Variants in LGALS1 observed in about 807,000 individuals in gnomAD.
LGALS1 encodes galectin 1.
LGALS1 carries 14 observed loss-of-function variants against 14.4 expected under a neutral mutation model. The ratio of observed to expected loss-of-function variants is 0.97; its 90% CI spans 0.64 to 1.52. The LOEUF (loss-of-function observed/expected upper bound fraction) is 1.52, where lower values mean the gene tolerates loss of function less well. LGALS1 is among the 40% of genes most tolerant of loss of function. The probability of loss-of-function intolerance (pLI) is 0.00; values close to 1 mark genes in which losing one functional copy is unlikely to be tolerated. For synonymous variants in LGALS1, 71 were observed against 73.4 expected (o/e 0.97, Z 0.17); for missense variants, 170 against 181.4 (o/e 0.94, Z 0.36).
At chr22:37,676,945 C>T in intron 1 of LGALS1, 41 bp from the exon 2 acceptor site, 5 of 1,611,688 alleles carry the variant, frequency 3.1e-6, no homozygotes, top group Non-Finnish European at 4.2e-6. Flanking sequence ...CAGTGGAGGC[C>T]TTGTCCTCTA....
rs1921398899 is a variant in LGALS1, at chr22:37,675,698, C to G, written c.-5C>G. On this transcript the variant is annotated 5_prime_UTR_variant, in exon 1 of 4. Transcript: ENST00000215909. Reference sequence around the variant, plus strand: ...CTGCCCGGGAACATCCTCCTGGACTCAATCATGGCTTGTGTGAGTGTGGGG... The same window carrying G: ...CTGCCCGGGAACATCCTCCTGGACTGAATCATGGCTTGTGTGAGTGTGGGG... The G allele has an allele frequency of 1.3e-6, 2 of 1,547,584 alleles. No homozygotes were observed. The highest frequency in any genetic ancestry group is 1.7e-6 in the Non-Finnish European group (2 of 1,145,986).
chr22:37,678,166 C>T (rs1349423713), intron 2 of LGALS1, among the ~76,000 whole-genome samples: 2 of 152,058 alleles, frequency 1.3e-5, no homozygotes, highest in African/African-American at 4.8e-5. Flanking sequence ...TGCTGGGCAC[C>T]GGGAATACAG....
chr22:37,679,441 A>G (rs1185419315), intron 3 of LGALS1, among the ~76,000 whole-genome samples, 162 bp from the exon 4 acceptor site: 3 of 152,120 alleles, frequency 2.0e-5, no homozygotes, highest in Non-Finnish European at 2.9e-5. Context: ...AAAAAAAAAA[A>G]AAATCTATCA....
At chr22:37,676,849 T>TC (rs1191457998) in intron 1 of LGALS1, 137 bp from the exon 2 acceptor site, 2 of 823,750 alleles carry the variant, frequency 2.4e-6, no homozygotes, top group Non-Finnish European at 4.1e-6. Flanking sequence ...CTCAATCCTT[T>TC]CCCCAGGCTT....
intron 1 of LGALS1, among the ~76,000 whole-genome samples, 183 bp downstream of exon 1, chr22:37,675,894 G>A (rs1297225278): frequency 1.3e-5 from 2 of 152,182 alleles, no homozygotes; most frequent in African/African-American, 4.8e-5. Flanking sequence ...GGTCCCTCAA[G>A]GCCTTCTCTG....
chr22:37,675,915 T>G (rs1372026480), intron 1 of LGALS1, among the ~76,000 whole-genome samples: 1 of 152,214 alleles, frequency 6.6e-6, no homozygotes, highest in Non-Finnish European at 1.5e-5. Context: ...CATTGATAAT[T>G]GTCTGGATTC....
intron 3 of LGALS1, 48 bp from the exon 4 acceptor site, chr22:37,679,553 GAA>G (rs1182937993): frequency 1.3e-6 from 2 of 1,488,534 alleles, no homozygotes; most frequent in African/African-American, 1.4e-5. Flanking sequence ...ACGGGTTCTG[GAA>G]GGGCCCATGG....
At chr22:37,675,824 C>A (rs939197197) in intron 1 of LGALS1, 113 bp downstream of exon 1, 23 of 977,020 alleles carry the variant, frequency 2.4e-5, no homozygotes, top group Non-Finnish European at 2.7e-5. Context: ...GGCCTGGAAC[C>A]AGTGCCTTCT....
chr22:37,676,872 G>A, intron 1 of LGALS1, 114 bp from the exon 2 acceptor site: 1 of 1,002,038 alleles, frequency 1.0e-6, no homozygotes, highest in Non-Finnish European at 1.6e-6. Context: ...CCTTGGCTTG[G>A]TCAGAGGATG....
At chr22:37,679,489 T>G (rs1921559740) in intron 3 of LGALS1, 114 bp from the exon 4 acceptor site, 2 of 858,450 alleles carry the variant, frequency 2.3e-6, no homozygotes, top group African/African-American at 1.8e-5. Context: ...ATATTATAAA[T>G]GTACCTCCGC....
chr22:37,676,976 G>T lies in LGALS1; in HGVS notation c.10-10G>T, dbSNP rs181409425. 463 of 1,614,082 alleles carry T rather than the reference G, an allele frequency of 2.9e-4. 1 individual carries two copies. In the African/African-American group the frequency reaches 5.7e-3, roughly 20 times the overall value. On this transcript the variant is annotated splice_polypyrimidine_tract_variant and intron_variant, in intron 1 of 3. Coordinates refer to ENST00000215909, the MANE Select transcript of LGALS1 (RefSeq NM_002305.4). ...CTCTAACCCGGCTGGGCCGGGGCTT[G>T]TCTGTGCAGGGTCTGGTCGCCAGCA...
At chr22:37,676,541 G>A (rs1921433522) in intron 1 of LGALS1, among the ~76,000 whole-genome samples, 1 of 152,104 alleles carries the variant, frequency 6.6e-6, no homozygotes, top group Non-Finnish European at 1.5e-5. Context: ...GGGGCTTGAA[G>A]GAGAATAGTG....
At chr22:37,676,614 C>T (rs568919314) in intron 1 of LGALS1, among the ~76,000 whole-genome samples, 13 of 152,198 alleles carry the variant, frequency 8.5e-5, no homozygotes, top group Admixed American at 2.6e-4. Flanking sequence ...TTCAGTGTGA[C>T]GGTGGGCCAA....
rs139136100 is a variant in LGALS1 at position 37,678,607 on chromosome 22, G to A, written c.214G>A (p.Glu72Lys). The change falls in exon 3 of 4, where the codon GAG (glutamate) becomes AAG (lysine). Residue 72 changes from glutamate to lysine, a missense_variant. Physicochemically the swap from Glu to Lys is moderately conservative, Grantham distance 56 (BLOSUM62 1). Transcript: ENST00000215909. Reference protein sequence around the residue: ...NSKDGGAWGTEQREAVFPFQP... With the variant: ...NSKDGGAWGTKQREAVFPFQP... Reference sequence around the variant, plus strand: ...CAAGGACGGCGGGGCCTGGGGGACCGAGCAGCGGGAGGCTGTCTTTCCCTT... The same window carrying A: ...CAAGGACGGCGGGGCCTGGGGGACCAAGCAGCGGGAGGCTGTCTTTCCCTT... 1.9e-3 allele frequency: 2,993 copies of A among 1,611,838 alleles called. 8 individuals carry two copies. The highest frequency in any genetic ancestry group is 2.1e-3 in the Non-Finnish European group (2,533 of 1,179,276).
chr22:37,679,563 T>C (rs765861754), intron 3 of LGALS1, 40 bp from the exon 4 acceptor site: 8 of 1,536,538 alleles, frequency 5.2e-6, no homozygotes, highest in Non-Finnish European at 7.0e-6. Context: ...GAAGGGCCCA[T>C]GGCATGTGGG....
Position 37,678,495 on chromosome 22 carries a change from C to A in LGALS1, c.102C>A (p.Asn34Lys). ...VAPDAKSFVL[N>K]LGKDSNNLCL... The stretch of plus-strand genomic sequence containing the variant: ...CGTTACCCCCCAGCTTCGTGCTGAA[C>A]CTGGGCAAAGACAGCAACAACCTGT... The change falls in exon 3 of 4, where the codon AAC becomes AAA. Residue 34 changes from asparagine to lysine, a missense_variant. By Grantham distance (94) the Asn-to-Lys change is moderately conservative. Transcript: ENST00000215909. The A allele has an allele frequency of 1.9e-6, 3 of 1,613,576 alleles. No homozygotes were observed. The highest frequency in any genetic ancestry group is 1.1e-5 in the South Asian group (1 of 91,076).
intron 2 of LGALS1, chr22:37,677,288 C>A: frequency 1.8e-6 from 1 of 563,908 alleles, no homozygotes; most frequent in South Asian, 2.0e-5. Context: ...TTAAACTAAA[C>A]CAGCTGCAGC....
chr22:37,679,629 C>CCTGA lies in LGALS1; in HGVS notation c.290_293dup (p.Val99AspfsTer27). Reference sequence around the variant, plus strand: ...TGTGCATCACCTTCGACCAGGCCAACCTGACCGTCAAGCTGCCAGATGGAT... The same window carrying CCTGA: ...TGTGCATCACCTTCGACCAGGCCAACCTGACTGACCGTCAAGCTGCCAGATGGAT... On this transcript the variant is annotated frameshift_variant, in exon 4 of 4. Transcript: ENST00000215909. LOFTEE classifies it high-confidence loss of function. The CCTGA allele has an allele frequency of 6.2e-7, 1 of 1,609,050 alleles. No individual in the cohort carries two copies. The highest frequency in any genetic ancestry group is 8.5e-7 in the Non-Finnish European group (1 of 1,178,332).
intron 3 of LGALS1, 54 bp downstream of exon 3, chr22:37,678,708 C>T: frequency 5.4e-6 from 2 of 372,230 alleles, no homozygotes; most frequent in Non-Finnish European, 5.4e-6. Context: ...TGGGCTGGGG[C>T]GGGGCTGGGT....
Sources: allele counts gnomAD v4.1 joint callset (sites outside exome capture counted in the v4.1 genomes callset), GRCh38; gene constraint gnomAD v4.1.1; transcripts MANE v1.5; gene names NCBI Gene and HGNC (gene_info 2026-07-23, HGNC 2026-07-21).